NEDD4: variants seen among roughly 807,000 people sequenced by gnomAD.
NEDD4 encodes E3 ubiquitin-protein ligase NEDD4.
Under a neutral mutation model 144.9 loss-of-function variants are expected in NEDD4, and 99 were observed. The observed-to-expected ratio is 0.68, with a 90% confidence interval of 0.58 to 0.81. The LOEUF is 0.81. Ranked by LOEUF, NEDD4 falls within the 30% of genes least tolerant of loss-of-function variation. The probability of loss-of-function intolerance (pLI) is 0.00; values close to 1 mark genes in which losing one functional copy is unlikely to be tolerated. For synonymous variants in NEDD4, 318 were observed against 350.6 expected (o/e 0.91, Z 1.04); for missense variants, 985 against 1,065.9 (o/e 0.92, Z 1.06).
chr15:55,895,653 T>G (rs1337024150), intron 5 of NEDD4, among the ~76,000 whole-genome samples: 7 of 152,218 alleles, frequency 4.6e-5, no homozygotes, highest in African/African-American at 1.7e-4. Flanking sequence ...CTGATTCTGC[T>G]GATCTGGTAT....
At chr15:55,955,165 G>A (rs965112081) in intron 2 of NEDD4, among the ~76,000 whole-genome samples, 3 of 152,078 alleles carry the variant, frequency 2.0e-5, no homozygotes, top group Admixed American at 1.3e-4. Flanking sequence ...GGGACTACAG[G>A]CGCACACCAC....
intron 8 of NEDD4, among the ~76,000 whole-genome samples, chr15:55,863,400 C>T (rs182999245): frequency 1.4e-3 from 210 of 152,050 alleles, no homozygotes; most frequent in African/African-American, 4.9e-3. Context: ...CTCAAAACAA[C>T]AATAAAACAG....
At chr15:55,968,946 A>G (rs2037562062) in intron 1 of NEDD4, among the ~76,000 whole-genome samples, 1 of 152,218 alleles carries the variant, frequency 6.6e-6, no homozygotes. Flanking sequence ...TATTCTAACA[A>G]GAAAGCACCT....
At chr15:55,935,845 C>CAAAAAA (rs35215537) in intron 4 of NEDD4, among the ~76,000 whole-genome samples, 9 of 78,260 alleles carry the variant, frequency 1.2e-4, no homozygotes, top group African/African-American at 1.6e-4. Flanking sequence ...GACTCTGTTT[C>CAAAAAA]AAAAAAAAAA....
rs572618006 is a variant in NEDD4, at chr15:55,973,067, G to A, written c.46-6521C>T. Among the ~76,000 whole-genome samples, 26 of 151,934 alleles carry A rather than the reference G, an allele frequency of 1.7e-4. No homozygotes were observed. The South Asian group carries it at 2.5e-3, about 15-fold the overall frequency. Reference sequence around the variant, plus strand: ...TTTCAATATCCCACTTTCGGCACTGGATAGATCATTCAGACAGAAAACCAA... The same window carrying A: ...TTTCAATATCCCACTTTCGGCACTGAATAGATCATTCAGACAGAAAACCAA... On this transcript the variant is annotated intron_variant, in intron 1 of 28. Coordinates refer to ENST00000435532, the MANE Select transcript of NEDD4 (RefSeq NM_006154.4).
At chr15:55,986,190 GA>G (rs1205308792) in intron 1 of NEDD4, among the ~76,000 whole-genome samples, 1 of 152,170 alleles carries the variant, frequency 6.6e-6, no homozygotes, top group Non-Finnish European at 1.5e-5. Context: ...AACTAACAGA[GA>G]TGGAAATAAA....
chr15:55,838,640 C>T, intron 21 of NEDD4, 36 bp from the exon 22 acceptor site: 1 of 1,428,950 alleles, frequency 7.0e-7, no homozygotes, highest in Non-Finnish European at 9.8e-7. Flanking sequence ...AAATTTGTAT[C>T]TATAACACAC....
At chr15:55,870,156 T>C (rs1309298188) in intron 7 of NEDD4, among the ~76,000 whole-genome samples, 3 of 152,182 alleles carry the variant, frequency 2.0e-5, no homozygotes, top group Admixed American at 6.5e-5. Context: ...ATTGGGATGG[T>C]CCAGAGGTCA....
At chr15:55,831,968 G>A (rs1443185058) in intron 27 of NEDD4, among the ~76,000 whole-genome samples, 3 of 152,104 alleles carry the variant, frequency 2.0e-5, no homozygotes, top group African/African-American at 7.2e-5. Flanking sequence ...AAAAGTTGCT[G>A]TAATCTACAT....
In NEDD4 at chr15:55,840,516, A is replaced by G. The variant is rs200302173; in HGVS notation, c.1962T>C (p.Gly654=). Residue 654 remains glycine (G), a splice_region_variant and synonymous_variant, in exon 21 of 29, where the codon GGT becomes GGC. Coordinates refer to ENST00000435532, the MANE Select transcript of NEDD4 (RefSeq NM_006154.4). The part of the protein sequence containing the change: ...MAVYHGKLLD[G]FFIRPFYKMM... Reference sequence around the variant, plus strand: ...TCTTGTAAAATGGGCGGATGAAAAAACCTTGCAAAAAACCAAATACATTTA... The same window carrying G: ...TCTTGTAAAATGGGCGGATGAAAAAGCCTTGCAAAAAACCAAATACATTTA... The G allele has an allele frequency of 9.9e-6, 16 of 1,613,948 alleles. No homozygotes were observed. Among genetic ancestry groups the G allele is most frequent in the Admixed American group, 1.7e-5 (1 of 60,014 alleles).
chr15:55,909,462 C>T (rs755712125), intron 5 of NEDD4, among the ~76,000 whole-genome samples: 1 of 152,208 alleles, frequency 6.6e-6, no homozygotes, highest in Non-Finnish European at 1.5e-5. Context: ...CCCAATTTTA[C>T]ACAAGGAACA....
intron 4 of NEDD4, among the ~76,000 whole-genome samples, chr15:55,935,424 C>T (rs183467410): frequency 1.5e-3 from 221 of 152,182 alleles, no homozygotes; most frequent in African/African-American, 5.1e-3. Flanking sequence ...ATTTTGATTC[C>T]TCTAAGCCTT....
intron 24 of NEDD4, among the ~76,000 whole-genome samples, chr15:55,835,446 C>T (rs1437240627): frequency 1.5e-5 from 2 of 129,198 alleles, no homozygotes; most frequent in Non-Finnish European, 3.1e-5. Context: ...TTTTCCCATG[C>T]CCTAAACTGT....
At chr15:55,852,747 A>T in intron 12 of NEDD4, among the ~76,000 whole-genome samples, 1 of 149,498 alleles carries the variant, frequency 6.7e-6, no homozygotes, top group Non-Finnish European at 1.5e-5. Flanking sequence ...AGAGAGTGAG[A>T]GAGAGAGAGA....
chr15:55,961,946 TTTA>T, intron 2 of NEDD4, among the ~76,000 whole-genome samples: 1 of 152,344 alleles, frequency 6.6e-6, no homozygotes, highest in South Asian at 2.1e-4. Context: ...TTTTGATTTT[TTTA>T]TTTAGTTGTT....
At chr15:55,973,100 ATGT>A (rs34839951) in intron 1 of NEDD4, among the ~76,000 whole-genome samples, 22,575 of 152,140 alleles carry the variant, frequency 0.15, 1,810 homozygotes, top group East Asian at 0.32. Context: ...CAACAAAGAA[ATGT>A]TGGACTTAAT....
rs757464727 is a variant in NEDD4 at position 55,850,586 on chromosome 15, C to T, written c.1303G>A (p.Gly435Arg). ...TTGTGGTCAATAAAGAAAGGCCTCC[C>T]ATTTGGTGCATGCCGGACTTCCCAG... ...KGWEVRHAPN[G>R]RPFFIDHNTK... Residue 435 changes from glycine to arginine, a missense_variant, in exon 14 of 29, where the codon GGG becomes AGG. Gly to Arg is a moderately radical substitution (Grantham distance 125). Transcript: ENST00000435532. The T allele has an allele frequency of 1.9e-6, 3 of 1,614,006 alleles. No homozygotes were observed. Among genetic ancestry groups the T allele is most frequent in the African/African-American group, 2.7e-5 (2 of 74,916 alleles).
chr15:55,953,330 A>C (rs1477395682), intron 2 of NEDD4, among the ~76,000 whole-genome samples: 2 of 152,070 alleles, frequency 1.3e-5, no homozygotes, highest in African/African-American at 4.8e-5. Context: ...CCTGTGAGGT[A>C]GGTACTATTC....
intron 5 of NEDD4, among the ~76,000 whole-genome samples, chr15:55,888,158 T>G (rs1595800218): frequency 7.3e-6 from 1 of 137,622 alleles, no homozygotes; most frequent in Non-Finnish European, 1.6e-5. Context: ...GAAAAAGAAA[T>G]AAGGGGCATC....
Sources: gnomAD v4.1 joint callset for allele counts (sites outside exome capture counted in the v4.1 genomes callset) on GRCh38, gnomAD v4.1.1 for gene constraint, MANE v1.5 for transcripts, NCBI Gene and HGNC (gene_info 2026-07-23, HGNC 2026-07-21) for gene names.